The following HEMK2 variants were observed in gnomAD, a reference collection of about 807,000 sequenced individuals.
The protein encoded by HEMK2 is HemK methyltransferase 2, ETF1 glutamine and histone H4 lysine.
At chr21:28,680,986 T>A in the HEMK2 span, among the ~76,000 whole-genome samples, 1 of 151,942 alleles carries the variant, frequency 6.6e-6, no homozygotes, top group African/African-American at 2.4e-5. Flanking sequence ...CTTTGAAAAC[T>A]GGCACAAGAC....
the HEMK2 span, among the ~76,000 whole-genome samples, chr21:28,806,686 C>T: frequency 6.6e-6 from 1 of 152,076 alleles, no homozygotes; most frequent in Non-Finnish European, 1.5e-5. Context: ...CAGACATAGA[C>T]ATGCAGAGAG....
At chr21:28,608,371 T>C in the HEMK2 span, among the ~76,000 whole-genome samples, 1 of 143,770 alleles carries the variant, frequency 7.0e-6, no homozygotes, top group Admixed American at 7.1e-5. Context: ...GCTTCAAGGC[T>C]AATACGTTTT....
At chr21:28,713,254 A>T in the HEMK2 span, among the ~76,000 whole-genome samples, 1 of 152,008 alleles carries the variant, frequency 6.6e-6, no homozygotes, top group African/African-American at 2.4e-5. Context: ...TCATGCCATC[A>T]CCCAGTCACA....
the HEMK2 span, among the ~76,000 whole-genome samples, chr21:28,861,463 T>C: frequency 5.9e-5 from 9 of 152,186 alleles, no homozygotes; most frequent in African/African-American, 2.2e-4. Context: ...GAATTACAAA[T>C]ACAGAGAATC....
chr21:28,611,314 T>C, the HEMK2 span, among the ~76,000 whole-genome samples: 1 of 152,304 alleles, frequency 6.6e-6, no homozygotes, highest in African/African-American at 2.4e-5. Flanking sequence ...GGGTCAATAA[T>C]GAAATCAAGG....
chr21:28,856,957 A>G, the HEMK2 span, among the ~76,000 whole-genome samples: 1 of 152,166 alleles, frequency 6.6e-6, no homozygotes, highest in Non-Finnish European at 1.5e-5. Flanking sequence ...TTCCCCTAGG[A>G]AAGTGGCTGA....
the HEMK2 span, among the ~76,000 whole-genome samples, chr21:28,713,696 T>A: frequency 6.6e-6 from 1 of 152,226 alleles, no homozygotes; most frequent in Admixed American, 6.5e-5. Flanking sequence ...TGTAACCTTC[T>A]GCGCTTTTCC....
chr21:28,736,523 A>G, the HEMK2 span, among the ~76,000 whole-genome samples: 2 of 152,170 alleles, frequency 1.3e-5, no homozygotes, highest in Non-Finnish European at 2.9e-5. Context: ...TGGGAGGCCG[A>G]GGTAGGCAGA....
the HEMK2 span, among the ~76,000 whole-genome samples, chr21:28,800,575 ATC>A: frequency 6.6e-6 from 1 of 152,126 alleles, no homozygotes; most frequent in African/African-American, 2.4e-5. Flanking sequence ...GTATAGATGT[ATC>A]TGTGTGTATG....
chr21:28,878,505 G>C, the HEMK2 span, among the ~76,000 whole-genome samples: 5 of 152,042 alleles, frequency 3.3e-5, no homozygotes, highest in African/African-American at 9.7e-5. Context: ...GTGTAACCTT[G>C]GATAAATTAG....
the HEMK2 span, among the ~76,000 whole-genome samples, chr21:28,621,087 T>A: frequency 6.6e-6 from 1 of 152,134 alleles, no homozygotes; most frequent in East Asian, 1.9e-4. Context: ...CTATCTTAGT[T>A]ATTTCTTGTC....
the HEMK2 span, among the ~76,000 whole-genome samples, chr21:28,852,713 C>A: frequency 6.6e-6 from 1 of 152,156 alleles, no homozygotes; most frequent in Non-Finnish European, 1.5e-5. Flanking sequence ...GATTGACGGG[C>A]CATGATTCCC....
chr21:28,882,154 T>C, the HEMK2 span: 23 of 1,565,848 alleles, frequency 1.5e-5, no homozygotes, highest in Non-Finnish European at 1.8e-5. Flanking sequence ...ACAAAGATTA[T>C]CTTACCAAAT....
the HEMK2 span, among the ~76,000 whole-genome samples, chr21:28,796,862 A>G: frequency 6.6e-6 from 1 of 152,186 alleles, no homozygotes; most frequent in Non-Finnish European, 1.5e-5. Context: ...GAACCACTGC[A>G]CTTGGCCTGT....
At chr21:28,665,302 T>C in the HEMK2 span, among the ~76,000 whole-genome samples, 10 of 148,780 alleles carry the variant, frequency 6.7e-5, no homozygotes, top group Admixed American at 6.7e-4. Flanking sequence ...AAAGATTAAT[T>C]TATAAACACA....
At chr21:28,767,241 C>A in the HEMK2 span, among the ~76,000 whole-genome samples, 1 of 151,906 alleles carries the variant, frequency 6.6e-6, no homozygotes, top group African/African-American at 2.4e-5. Context: ...TGGAACTGTA[C>A]GTAAGTCCAA....
chr21:28,781,997 T>C, the HEMK2 span, among the ~76,000 whole-genome samples: 1 of 152,194 alleles, frequency 6.6e-6, no homozygotes, highest in East Asian at 1.9e-4. Flanking sequence ...GCTGAGCTGA[T>C]CCTTTACTAT....
chr21:28,664,171 TTGAGTA>T, the HEMK2 span, among the ~76,000 whole-genome samples: 16 of 152,312 alleles, frequency 1.1e-4, no homozygotes, highest in Non-Finnish European at 1.9e-4. Flanking sequence ...TTTCATTTGT[TTGAGTA>T]TAAGAAAATC....
At chr21:28,700,429 A>G in the HEMK2 span, among the ~76,000 whole-genome samples, 1 of 152,168 alleles carries the variant, frequency 6.6e-6, no homozygotes, top group African/African-American at 2.4e-5. Context: ...AGAATATCCA[A>G]ATAAACACAA....
Sources: allele counts gnomAD v4.1 joint callset (sites outside exome capture counted in the v4.1 genomes callset), GRCh38; gene constraint gnomAD v4.1.1; transcripts MANE v1.5; gene names NCBI Gene and HGNC (gene_info 2026-07-23, HGNC 2026-07-21).